IGFBP7: variants seen among roughly 807,000 people sequenced by gnomAD.
The protein encoded by IGFBP7 is insulin-like growth factor-binding protein 7.
A neutral mutation model predicts 29.4 loss-of-function variants in IGFBP7; 31 were observed. The observed-to-expected ratio is 1.05, with a 90% CI of 0.79 to 1.42. The LOEUF (loss-of-function observed/expected upper bound fraction) is 1.42, where lower values mean the gene tolerates loss of function less well. Among genes scored for constraint, IGFBP7 ranks in the 40% most tolerant of loss-of-function variants. The pLI is 0.00. For synonymous variants in IGFBP7, 172 were observed against 174.9 expected, an observed-to-expected ratio of 0.98 and a Z score of 0.13; for missense variants, 393 against 395.5, an observed-to-expected ratio of 0.99 and a Z score of 0.05.
chr4:57,056,913 T>C (rs1724687519), intron 1 of IGFBP7, among the ~76,000 whole-genome samples: 1 of 152,250 alleles, frequency 6.6e-6, no homozygotes, highest in Non-Finnish European at 1.5e-5. Context: ...GTGCTTTCTT[T>C]TTTTGAGTTT....
In IGFBP7 at chr4:57,032,540, T is replaced by G. The variant is rs1023321217; in HGVS notation, c.715A>C (p.Ser239Arg). The change falls in exon 4 of 5, where the codon AGT (serine) becomes CGT (arginine). Residue 239 changes from serine to arginine, a missense_variant. Coordinates refer to ENST00000295666, the MANE Select transcript of IGFBP7 (RefSeq NM_001553.3). ...TCATATTCTCCAGCATCTTCCTTAC[T>G]TAGAGGAGATACCTGTGAAAGAAAA... is the stretch of plus-strand genomic sequence containing the variant. ...VTGWVLVSPL[S>R]KEDAGEYECH... The G allele has an allele frequency of 4.3e-6, 7 of 1,613,134 alleles. No homozygotes were observed. The highest frequency in any genetic ancestry group is 5.9e-6 in the Non-Finnish European group (7 of 1,179,106).
intron 1 of IGFBP7, among the ~76,000 whole-genome samples, chr4:57,048,010 AG>A (rs771357280): frequency 6.6e-6 from 1 of 151,738 alleles, no homozygotes; most frequent in Non-Finnish European, 1.5e-5. Flanking sequence ...CTGGGATTAT[AG>A]GTGTAAGTCA....
chr4:57,059,621 G>C (rs1045892163), intron 1 of IGFBP7, among the ~76,000 whole-genome samples: 4 of 152,046 alleles, frequency 2.6e-5, no homozygotes, highest in Admixed American at 1.3e-4. Context: ...GAAGGGAGAG[G>C]AGCAGAAAGG....
chr4:57,039,006 G>C (rs1455089068), intron 2 of IGFBP7, among the ~76,000 whole-genome samples: 1 of 149,618 alleles, frequency 6.7e-6, no homozygotes, highest in Non-Finnish European at 1.5e-5. Flanking sequence ...GCGAGGTTGC[G>C]GTGAGCCGAG....
intron 2 of IGFBP7, among the ~76,000 whole-genome samples, chr4:57,039,643 CTTTTTTTTTTTT>C (rs10716496): frequency 1.6e-5 from 2 of 128,672 alleles, no homozygotes; most frequent in Admixed American, 8.1e-5. Flanking sequence ...AATTCACACT[CTTTTTTTTTTTT>C]TTTTTTTTGA....
At chr4:57,103,022 CT>C (rs1258874583) in intron 1 of IGFBP7, among the ~76,000 whole-genome samples, 1 of 152,138 alleles carries the variant, frequency 6.6e-6, no homozygotes, top group African/African-American at 2.4e-5. Context: ...GGTGAAGGCA[CT>C]TTATGAGCAG....
At position 57,110,008 on chromosome 4, in the gene IGFBP7, C is replaced by G; in HGVS notation, c.344G>C (p.Ser115Thr). The change falls in exon 1 of 5, where the codon AGC becomes ACC. Residue 115 changes from serine (S) to threonine (T), a missense_variant. Physicochemically the swap from Ser to Thr is moderately conservative, Grantham distance 58 (BLOSUM62 1). Coordinates refer to ENST00000295666, the MANE Select transcript of IGFBP7 (RefSeq NM_001553.3). ...PGVSGVCVCK[S>T]RYPVCGSDGT... ...GTCGCTGCCGCACACCGGGTAGCGG[C>G]TCTTGCACACGCACACGCCGCTTAC... The G allele has an allele frequency of 1.3e-6, 2 of 1,549,428 alleles. No homozygotes were observed. Among genetic ancestry groups the G allele is most frequent in the Non-Finnish European group, 1.7e-6 (2 of 1,153,404 alleles).
Position 57,031,097 on chromosome 4 carries a change from A to T in IGFBP7, c.*220T>A. ...ACTGTGTTGTGATAAAAAGTATTTT[A>T]TTTGTTTAATGATATGCATGCTTTT... On this transcript the variant is annotated 3_prime_UTR_variant, in exon 5 of 5. Coordinates refer to ENST00000295666, the MANE Select transcript of IGFBP7 (RefSeq NM_001553.3). 1.3e-6 allele frequency: 1 copy of T among 776,564 alleles called. No individual in the cohort carries two copies. The highest frequency in any genetic ancestry group is 2.2e-6 in the Non-Finnish European group (1 of 455,964). The allele number at this position is 776,564 out of a possible 1,614,324, so 48.1% of individuals were successfully genotyped here. A position where few individuals can be genotyped will look rare whatever the true frequency, so the allele number is the denominator to read the frequency against.
chr4:57,103,832 T>A (rs548708348), intron 1 of IGFBP7, among the ~76,000 whole-genome samples: 37 of 151,872 alleles, frequency 2.4e-4, no homozygotes, highest in African/African-American at 8.2e-4. Context: ...CTAATTTTTT[T>A]ATTTTTTTTA....
intron 1 of IGFBP7, among the ~76,000 whole-genome samples, chr4:57,082,837 G>C (rs1301368031): frequency 6.6e-6 from 1 of 151,726 alleles, no homozygotes; most frequent in Non-Finnish European, 1.5e-5. Context: ...TAAGACACAG[G>C]GTTTGTCTAT....
intron 1 of IGFBP7, among the ~76,000 whole-genome samples, chr4:57,074,565 G>T (rs1725175717): frequency 6.6e-6 from 1 of 152,160 alleles, no homozygotes; most frequent in South Asian, 2.1e-4. Context: ...GACTTCAGGG[G>T]CTTACGTCAC....
intron 2 of IGFBP7, among the ~76,000 whole-genome samples, chr4:57,035,032 G>A (rs942617128): frequency 1.9e-4 from 29 of 152,126 alleles, no homozygotes; most frequent in African/African-American, 6.8e-4. Context: ...TTGATCCAAG[G>A]TCTCAAGTAA....
chr4:57,046,323 A>G (rs1413836471), intron 1 of IGFBP7, among the ~76,000 whole-genome samples: 1 of 140,802 alleles, frequency 7.1e-6, no homozygotes, highest in African/African-American at 2.6e-5. Context: ...TCAATCCCTG[A>G]CAGTTCTGTT....
intron 1 of IGFBP7, among the ~76,000 whole-genome samples, chr4:57,047,488 TA>T (rs1194940261): frequency 6.6e-6 from 1 of 152,088 alleles, no homozygotes; most frequent in Non-Finnish European, 1.5e-5. Context: ...TGAAGAAAGA[TA>T]GCCAGATCCT....
intron 1 of IGFBP7, among the ~76,000 whole-genome samples, chr4:57,074,065 C>CT (rs1163891842): frequency 3.6e-4 from 4 of 11,218 alleles, no homozygotes; most frequent in African/African-American, 5.6e-4. Flanking sequence ...CTCTCTCTCT[C>CT]TCTTTTTTCT....
chr4:57,096,220 A>T (rs1034654551), intron 1 of IGFBP7, among the ~76,000 whole-genome samples: 5 of 149,916 alleles, frequency 3.3e-5, no homozygotes, highest in African/African-American at 1.2e-4. Flanking sequence ...CAAACCATTT[A>T]TGCTGCCTGC....
chr4:57,102,229 G>C lies in IGFBP7; in HGVS notation c.475+7648C>G, dbSNP rs554028578. 5.3e-5 allele frequency among the ~76,000 whole-genome samples: 8 copies of C among 152,248 alleles called. No homozygotes were observed. The East Asian group carries it at 1.5e-3, about 29-fold the overall frequency. On this transcript the variant is annotated intron_variant, in intron 1 of 4. Transcript: ENST00000295666. ...TGTTCTGTCACTGAACTATCCAAGAGAGCCTTATAAGGCGGTTTCTTCTAG... is the reference window on the plus strand; with the variant it reads ...TGTTCTGTCACTGAACTATCCAAGACAGCCTTATAAGGCGGTTTCTTCTAG...
In IGFBP7 at chr4:57,110,180, C is replaced by T; in HGVS notation, c.172G>A (p.Gly58Ser). Residue 58 changes from glycine to serine, a missense_variant, in exon 1 of 5, where the codon GGC (glycine) becomes AGC (serine). Physicochemically the swap from Gly to Ser is moderately conservative, Grantham distance 56. Coordinates refer to ENST00000295666, the MANE Select transcript of IGFBP7 (RefSeq NM_001553.3). ...CCGCGGGCGCACATAGGGCAGCAGC[C>T]GCACGCGTCGCGGGTCTCGCCCAGC... ...CLLGETRDAC[G>S]CCPMCARGEG... The T allele has an allele frequency of 5.7e-6, 8 of 1,398,568 alleles. No homozygotes were observed. Among genetic ancestry groups the T allele is most frequent in the Non-Finnish European group, 7.4e-6 (8 of 1,085,964 alleles). 86.6% of individuals were successfully genotyped at this position (1,398,568 alleles called of 1,614,324 possible). A position where few individuals can be genotyped will look rare whatever the true frequency, so the allele number is the denominator to read the frequency against.
intron 2 of IGFBP7, among the ~76,000 whole-genome samples, chr4:57,034,720 T>C (rs1724041496): frequency 6.6e-6 from 1 of 152,200 alleles, no homozygotes; most frequent in Non-Finnish European, 1.5e-5. Flanking sequence ...ATGCCAGGAC[T>C]GGGATTCAGC....
Sources: gnomAD v4.1 joint callset for allele counts (sites outside exome capture counted in the v4.1 genomes callset) on GRCh38, gnomAD v4.1.1 for gene constraint, MANE v1.5 for transcripts, NCBI Gene and HGNC (gene_info 2026-07-23, HGNC 2026-07-21) for gene names.